GLRX: variants seen among roughly 807,000 people sequenced by gnomAD.
The protein encoded by GLRX is glutaredoxin.
In GLRX, 9 loss-of-function variants were observed where a neutral mutation model predicts 11.1. The observed-to-expected ratio is 0.81, with a 90% CI of 0.49 to 1.42. The LOEUF is 1.42. Among genes scored for constraint, GLRX ranks in the 40% most tolerant of loss-of-function variants. The pLI is 0.00. For missense variants in GLRX, 102 were observed against 126.2 expected, an observed-to-expected ratio of 0.81 and a Z score of 0.92; for synonymous variants, 49 against 49.5, an observed-to-expected ratio of 0.99 and a Z score of 0.04.
intron 1 of GLRX, among the ~76,000 whole-genome samples, chr5:95,819,828 G>A (rs1191609927): frequency 6.7e-6 from 1 of 150,248 alleles, no homozygotes; most frequent in East Asian, 2.0e-4. Flanking sequence ...GAACCCGGGA[G>A]GTGGAGCTTG....
chr5:95,820,304 T>C (rs898430877), intron 1 of GLRX, among the ~76,000 whole-genome samples: 9 of 145,640 alleles, frequency 6.2e-5, no homozygotes, highest in Non-Finnish European at 3.0e-5. Flanking sequence ...TCAGCTATCA[T>C]TGCACCACTG....
intron 1 of GLRX, among the ~76,000 whole-genome samples, chr5:95,821,286 A>G (rs1261925480): frequency 3.9e-5 from 6 of 152,178 alleles, no homozygotes; most frequent in African/African-American, 1.2e-4. Flanking sequence ...TGGGGCCCGT[A>G]GTAGTGTTTG....
intron 1 of GLRX, chr5:95,817,777 C>G (rs1019482748): frequency 2.0e-5 from 3 of 152,184 alleles, no homozygotes; most frequent in African/African-American, 7.2e-5. Context: ...CGGGCCTCTC[C>G]CCGAGTACCA....
At chr5:95,816,275 G>T in intron 2 of GLRX, 2 of 462,326 alleles carry the variant, frequency 4.3e-6, no homozygotes, top group South Asian at 2.5e-5. Flanking sequence ...CATGTGTCTG[G>T]CACATGCTTA....
intron 1 of GLRX, among the ~76,000 whole-genome samples, chr5:95,820,945 G>A (rs947811967): frequency 2.0e-5 from 3 of 152,020 alleles, no homozygotes; most frequent in Non-Finnish European, 2.9e-5. Context: ...GTGAAACCCC[G>A]TCTCTACTAA....
chr5:95,815,691 T>TC (rs1187761576), intron 2 of GLRX, among the ~76,000 whole-genome samples: 1 of 152,214 alleles, frequency 6.6e-6, no homozygotes, highest in East Asian at 1.9e-4. Context: ...CCATCACGGT[T>TC]CCCTTCTGAA....
intron 2 of GLRX, among the ~76,000 whole-genome samples, chr5:95,815,539 G>GT (rs1322818085): frequency 1.3e-5 from 2 of 152,290 alleles, no homozygotes; most frequent in East Asian, 3.9e-4. Flanking sequence ...GAACATTTTG[G>GT]TTAAAGAACC....
chr5:95,815,240 A>G (rs1351490095), intron 2 of GLRX, among the ~76,000 whole-genome samples: 1 of 138,304 alleles, frequency 7.2e-6, no homozygotes, highest in Non-Finnish European at 1.6e-5. Flanking sequence ...CTAAATTGCT[A>G]AACATGTCCC....
In GLRX at chr5:95,822,397, G is replaced by A. The variant is rs1418804570; in HGVS notation, c.207+59C>T. 5 of 1,319,976 alleles carry A rather than the reference G, an allele frequency of 3.8e-6. No homozygotes were observed. The African/African-American group carries it at 7.3e-5, about 19-fold the overall frequency. The allele number at this position is 1,319,976 out of a possible 1,614,324, so 81.8% of individuals were successfully genotyped here. On this transcript the variant is annotated intron_variant, in intron 1 of 2. Coordinates refer to ENST00000237858, the MANE Select transcript of GLRX (RefSeq NM_001118890.2). ...CAGCCTTATCCTAAAGAAAGGCACAGCTCTGACAAGAAAAGGCAATCCGGG... is the reference window on the plus strand; with the variant it reads ...CAGCCTTATCCTAAAGAAAGGCACAACTCTGACAAGAAAAGGCAATCCGGG...
rs1252063836 is a variant in GLRX at position 95,822,535 on chromosome 5, A to C, written c.128T>G (p.Leu43Arg). The C allele has an allele frequency of 1.2e-6, 2 of 1,613,942 alleles. No individual in the cohort carries two copies. The highest frequency in any genetic ancestry group is 4.5e-5 in the East Asian group (2 of 44,888). The change falls in exon 1 of 3, where the codon CTG becomes CGG. Residue 43 changes from leucine to arginine, a missense_variant. Physicochemically the swap from Leu to Arg is moderately radical, Grantham distance 102. Coordinates refer to ENST00000237858, the MANE Select transcript of GLRX (RefSeq NM_001118890.2). ...GGTGGCTGTGATATCGACAAATTCC[A>C]GAAGCCCTTGTTTGATGGGCAATTG... ...LSQLPIKQGL[L>R]EFVDITATNH...
intron 1 of GLRX, among the ~76,000 whole-genome samples, chr5:95,821,667 G>A (rs1747242273): frequency 6.6e-6 from 1 of 152,182 alleles, no homozygotes; most frequent in African/African-American, 2.4e-5. Flanking sequence ...GATGTGGCTG[G>A]CATCCCTCCT....
intron 1 of GLRX, among the ~76,000 whole-genome samples, chr5:95,819,879 C>G (rs1747152367): frequency 9.4e-6 from 1 of 106,306 alleles, no homozygotes; most frequent in African/African-American, 3.8e-5. Context: ...AGCCTGGGCA[C>G]AGAGGGAGAC....
chr5:95,819,041 T>C (rs1747116562), intron 1 of GLRX: 1 of 152,290 alleles, frequency 6.6e-6, no homozygotes, highest in Non-Finnish European at 1.5e-5. Flanking sequence ...AATGGCTCCA[T>C]TTAAAACTGG....
chr5:95,819,526 C>G lies in GLRX; in HGVS notation c.208-2900G>C, dbSNP rs966393085. The G allele has an allele frequency of 2.6e-5, 4 of 152,158 alleles. No homozygotes were observed. In the East Asian group the frequency reaches 7.7e-4, roughly 29 times the overall value. The allele number at this position is 152,158 out of a possible 1,614,324, so 9.4% of individuals were successfully genotyped here. A position where few individuals can be genotyped will look rare whatever the true frequency, so the allele number is the denominator to read the frequency against. ...AAAACAGGTTTTACCAAGTACATGG[C>G]TTGATTGAAGCCACTAACTTTCCAT... is the stretch of plus-strand genomic sequence containing the variant. On this transcript the variant is annotated intron_variant, in intron 1 of 2. Coordinates refer to ENST00000237858, the MANE Select transcript of GLRX (RefSeq NM_001118890.2).
chr5:95,815,212 C>G (rs1436419352), intron 2 of GLRX, among the ~76,000 whole-genome samples: 1 of 152,232 alleles, frequency 6.6e-6, no homozygotes, highest in East Asian at 1.9e-4. Flanking sequence ...CCCATCTTCT[C>G]TCATTCTTAA....
chr5:95,819,897 CAAAAAAAAA>C (rs35347478), intron 1 of GLRX, among the ~76,000 whole-genome samples: 18 of 54,176 alleles, frequency 3.3e-4, no homozygotes, highest in Admixed American at 2.4e-3. Context: ...GACTCCGTCT[CAAAAAAAAA>C]AAAAAAAAAA....
chr5:95,817,981 A>G (rs908928844), intron 1 of GLRX: 1 of 152,196 alleles, frequency 6.6e-6, no homozygotes, highest in Non-Finnish European at 1.5e-5. Context: ...GGGTGAAGGT[A>G]GGCATTAAAA....
chr5:95,815,654 G>C (rs1210040286), intron 2 of GLRX, among the ~76,000 whole-genome samples: 1 of 152,216 alleles, frequency 6.6e-6, no homozygotes, highest in Non-Finnish European at 1.5e-5. Context: ...TGGGGAACTG[G>C]GGGAGGGAGG....
Position 95,816,515 on chromosome 5 carries a change from A to C in GLRX, c.319T>G (p.Ter107GluextTer5). ...CCTCACCTGCCACTCACCTGTGGTT[A>C]CTGCAGAGCTCCAATCTGCTTTAGC... is the stretch of plus-strand genomic sequence containing the variant. Reference protein sequence around the residue: ...TRLKQIGALQ* With the variant: ...TRLKQIGALQE The change falls in exon 2 of 3, where the codon TAA (stop) becomes GAA (glutamate). Residue 107 changes from the stop codon to glutamate (E), a stop_lost. Transcript: ENST00000237858. 1 of 1,518,236 alleles carries C rather than the reference A, an allele frequency of 6.6e-7. No homozygotes were observed. 94.0% of individuals were successfully genotyped at this position (1,518,236 alleles called of 1,614,324 possible).
Sources: gnomAD v4.1 joint callset for allele counts (sites outside exome capture counted in the v4.1 genomes callset) on GRCh38, gnomAD v4.1.1 for gene constraint, MANE v1.5 for transcripts, NCBI Gene and HGNC (gene_info 2026-07-23, HGNC 2026-07-21) for gene names.